Variants in PRKCA observed in about 807,000 individuals in gnomAD.
PRKCA encodes the protein protein kinase C alpha type.
Under a neutral mutation model 87.0 loss-of-function variants are expected in PRKCA, and 27 were observed. That is an observed-to-expected ratio of 0.31 (90% CI 0.23 to 0.43). The LOEUF (loss-of-function observed/expected upper bound fraction) is 0.43, where lower values mean the gene tolerates loss of function less well. PRKCA is among the 20% of genes least tolerant of loss of function. The pLI, the probability that PRKCA is intolerant of heterozygous loss-of-function variation, is 1.00. For missense variants in PRKCA, 518 were observed against 852.3 expected (o/e 0.61, Z 4.88); for synonymous variants, 329 against 311.1 (o/e 1.06, Z -0.61).
At chr17:66,774,450 A>G (rs755277410) in intron 14 of PRKCA, 4 of 806,016 alleles carry the variant, frequency 5.0e-6, no homozygotes, top group Non-Finnish European at 6.3e-6. Flanking sequence ...GCGAAACCCC[A>G]TCTCTACTAA....
intron 8 of PRKCA, among the ~76,000 whole-genome samples, chr17:66,694,735 A>G (rs16960050): frequency 0.065 from 9,581 of 146,672 alleles, 355 homozygotes; most frequent in South Asian, 0.14. Context: ...TGTACCCAGG[A>G]AGTTACATGC....
At chr17:66,704,175 A>G (rs1220190638) in intron 8 of PRKCA, among the ~76,000 whole-genome samples, 3 of 149,408 alleles carry the variant, frequency 2.0e-5, no homozygotes, top group African/African-American at 7.4e-5. Flanking sequence ...AAAAAAAAAA[A>G]CAGGAATAGG....
intron 2 of PRKCA, among the ~76,000 whole-genome samples, chr17:66,495,750 G>A (rs910808411): frequency 4.6e-5 from 7 of 151,784 alleles, no homozygotes; most frequent in African/African-American, 1.5e-4. Context: ...TGTATTTTTA[G>A]TAGAGATGGG....
intron 3 of PRKCA, among the ~76,000 whole-genome samples, chr17:66,518,919 A>G (rs1056239042): frequency 7.2e-5 from 11 of 152,218 alleles, no homozygotes; most frequent in Admixed American, 5.2e-4. Flanking sequence ...ACTGCAGGTC[A>G]TTATCATCAA....
intron 3 of PRKCA, among the ~76,000 whole-genome samples, chr17:66,590,045 C>A (rs1365263228): frequency 6.6e-6 from 1 of 152,144 alleles, no homozygotes; most frequent in Non-Finnish European, 1.5e-5. Context: ...TCACCTCCTG[C>A]TGTGCACCCC....
intron 16 of PRKCA, among the ~76,000 whole-genome samples, chr17:66,801,754 A>T (rs1449837209): frequency 1.3e-5 from 2 of 152,126 alleles, no homozygotes; most frequent in Non-Finnish European, 2.9e-5. Flanking sequence ...GGCAGGACGG[A>T]TGTGACAGTA....
intron 16 of PRKCA, among the ~76,000 whole-genome samples, chr17:66,795,820 A>G (rs1035896653): frequency 1.3e-5 from 2 of 152,186 alleles, no homozygotes; most frequent in Admixed American, 6.5e-5. Flanking sequence ...AATGGAGTAC[A>G]TGTTTTTATT....
intron 5 of PRKCA, among the ~76,000 whole-genome samples, chr17:66,681,393 C>T: frequency 6.6e-6 from 1 of 152,076 alleles, no homozygotes; most frequent in East Asian, 1.9e-4. Flanking sequence ...CTAATGGGGT[C>T]TGTTACCCTG....
At chr17:66,458,039 A>G (rs534707897) in intron 2 of PRKCA, among the ~76,000 whole-genome samples, 1 of 152,282 alleles carries the variant, frequency 6.6e-6, no homozygotes, top group South Asian at 2.1e-4. Context: ...GGTTTGGAGC[A>G]AGCAACCTGA....
chr17:66,433,089 A>G (rs909424897), intron 2 of PRKCA, among the ~76,000 whole-genome samples: 1 of 152,216 alleles, frequency 6.6e-6, no homozygotes, highest in Non-Finnish European at 1.5e-5. Flanking sequence ...AGCTAGAATT[A>G]ATAATCCCTG....
At chr17:66,348,880 A>G (rs1268686823) in intron 2 of PRKCA, among the ~76,000 whole-genome samples, 1 of 152,226 alleles carries the variant, frequency 6.6e-6, no homozygotes, top group Admixed American at 6.5e-5. Flanking sequence ...CAACCAAACT[A>G]TACGGTTAAA....
In PRKCA at chr17:66,691,077, G is replaced by T. The variant is rs185182127; in HGVS notation, c.918+2030G>T. ...AATCACTTGAACCTGGGAGGCAGAG[G>T]TTACAGTGAGCCAAGATCACGCCAG... On this transcript the variant is annotated intron_variant, in intron 8 of 16. Transcript: ENST00000413366. Among the ~76,000 whole-genome samples the T allele has an allele frequency of 3.9e-3, 595 of 151,928 alleles. 4 individuals carry two copies. Among genetic ancestry groups the T allele is most frequent in the African/African-American group, 0.013 (557 of 41,394 alleles).
At chr17:66,550,234 C>T (rs1324453660) in intron 3 of PRKCA, among the ~76,000 whole-genome samples, 1 of 152,202 alleles carries the variant, frequency 6.6e-6, no homozygotes, top group African/African-American at 2.4e-5. Flanking sequence ...TCTAAGCCAG[C>T]ATTCTCTCAC....
Position 66,622,877 on chromosome 17 carries a change from A to G in PRKCA, c.289-18478A>G, listed in dbSNP as rs556215784. Among the ~76,000 whole-genome samples the G allele has an allele frequency of 2.6e-4, 40 of 152,296 alleles. 1 individual carries two copies. The highest frequency in any genetic ancestry group is 2.1e-3 in the Admixed American group (32 of 15,304). On this transcript the variant is annotated intron_variant, in intron 3 of 16. Coordinates refer to ENST00000413366, the MANE Select transcript of PRKCA (RefSeq NM_002737.3). ...ACGGGGGAACCGCCCCCATGATTCA[A>G]TCATCTACCACCAGGTCCCTCCCAC...
intron 2 of PRKCA, among the ~76,000 whole-genome samples, chr17:66,373,438 C>T (rs1270066801): frequency 6.6e-6 from 1 of 152,200 alleles, no homozygotes; most frequent in Non-Finnish European, 1.5e-5. Flanking sequence ...ACTTTCTTCA[C>T]TGTCATGCAT....
chr17:66,805,109 C>T lies in PRKCA; in HGVS notation c.*1072C>T, dbSNP rs569648393. 1.0e-6 allele frequency: 1 copy of T among 984,014 alleles called. No homozygotes were observed. Among genetic ancestry groups the T allele is most frequent in the East Asian group, 1.1e-4 (1 of 8,798 alleles). 61.0% of individuals were successfully genotyped at this position (984,014 alleles called of 1,614,324 possible). The stretch of plus-strand genomic sequence containing the variant: ...CGATTGATTTTCCTCCCTTCTCTAG[C>T]CCTGGATGTCCACTTAGGGATAAAA... On this transcript the variant is annotated 3_prime_UTR_variant, in exon 17 of 17. Transcript: ENST00000413366.
At chr17:66,771,006 CTTTT>C (rs5821504) in intron 13 of PRKCA, among the ~76,000 whole-genome samples, 1 of 141,740 alleles carries the variant, frequency 7.1e-6, no homozygotes. Flanking sequence ...GGCAATGTGT[CTTTT>C]TTTTTTTTTT....
At position 66,425,506 on chromosome 17, in the gene PRKCA, G is replaced by A. The variant is rs189486285; in HGVS notation, c.206-70695G>A. Among the ~76,000 whole-genome samples the A allele has an allele frequency of 4.1e-4, 63 of 152,222 alleles. 1 individual carries two copies. The highest frequency in any genetic ancestry group is 1.3e-3 in the African/African-American group (56 of 41,528). On this transcript the variant is annotated intron_variant, in intron 2 of 16. Coordinates refer to ENST00000413366, the MANE Select transcript of PRKCA (RefSeq NM_002737.3). ...ATTCCATATCAAACTGTTGTTTGAG[G>A]CCTTTTGTTTTCATTGTCAAATGTG...
At chr17:66,553,393 T>A (rs987390312) in intron 3 of PRKCA, among the ~76,000 whole-genome samples, 2 of 152,192 alleles carry the variant, frequency 1.3e-5, no homozygotes, top group African/African-American at 2.4e-5. Flanking sequence ...GGTAGGTAGT[T>A]TCCTTCCTCT....
Sources: allele counts gnomAD v4.1 joint callset (sites outside exome capture counted in the v4.1 genomes callset), GRCh38; gene constraint gnomAD v4.1.1; transcripts MANE v1.5; gene names NCBI Gene and HGNC (gene_info 2026-07-23, HGNC 2026-07-21).